Variants in HCRTR2 observed in about 807,000 individuals in gnomAD.
The protein encoded by HCRTR2 is hypocretin receptor 2.
In HCRTR2, 22 loss-of-function variants were observed where a neutral mutation model predicts 49.0. The ratio of observed to expected loss-of-function variants is 0.45; its 90% CI spans 0.32 to 0.64. The LOEUF is 0.64. Among genes scored for constraint, HCRTR2 ranks in the 30% least tolerant of loss-of-function variants. HCRTR2 has a pLI of 0.04. For synonymous variants in HCRTR2, 236 were observed against 205.3 expected, an observed-to-expected ratio of 1.15 and a Z score of -1.28; for missense variants, 491 against 559.4, an observed-to-expected ratio of 0.88 and a Z score of 1.23.
chr6:55,192,254 G>A (rs1044637780), intron 1 of HCRTR2, among the ~76,000 whole-genome samples: 4 of 152,006 alleles, frequency 2.6e-5, no homozygotes, highest in African/African-American at 9.7e-5. Context: ...CTTGGCTTTT[G>A]CTAAGAAAGT....
chr6:55,269,512 G>T (rs1766930977), intron 4 of HCRTR2, among the ~76,000 whole-genome samples: 1 of 152,044 alleles, frequency 6.6e-6, no homozygotes, highest in South Asian at 2.1e-4. Context: ...AGTTCAGCTA[G>T]TTTTCAGGAT....
At position 55,219,480 on chromosome 6, in the gene HCRTR2, G is replaced by A. The variant is rs1765849842; in HGVS notation, c.224-29159G>A. On this transcript the variant is annotated intron_variant, in intron 1 of 6. Transcript: ENST00000370862. The stretch of plus-strand genomic sequence containing the variant: ...AAAGAAGAAATTATAAGGGATATTT[G>A]AAATGTTTCAAGATAAATGAAAATG... 2.6e-5 allele frequency among the ~76,000 whole-genome samples: 4 copies of A among 152,144 alleles called. No individual in the cohort carries two copies. In the South Asian group the frequency reaches 8.3e-4, roughly 32 times the overall value.
At chr6:55,246,965 G>T (rs772712081) in intron 1 of HCRTR2, among the ~76,000 whole-genome samples, 1 of 151,992 alleles carries the variant, frequency 6.6e-6, no homozygotes, top group Non-Finnish European at 1.5e-5. Flanking sequence ...AAAATACAGA[G>T]TTAAAAGATT....
intron 1 of HCRTR2, among the ~76,000 whole-genome samples, chr6:55,205,743 T>C (rs1251882493): frequency 2.0e-5 from 3 of 152,134 alleles, no homozygotes; most frequent in Non-Finnish European, 4.4e-5. Context: ...TTGTTTTTGA[T>C]TGGTTAGTGT....
chr6:55,263,641 C>T (rs745710174), intron 3 of HCRTR2, 66 bp from the exon 4 acceptor site: 139 of 811,136 alleles, frequency 1.7e-4, no homozygotes, highest in Admixed American at 7.2e-4. Context: ...AAAGCATTGA[C>T]ATGTATCTTT....
At chr6:55,203,497 C>A (rs1268003300) in intron 1 of HCRTR2, among the ~76,000 whole-genome samples, 1 of 151,958 alleles carries the variant, frequency 6.6e-6, no homozygotes, top group Admixed American at 6.6e-5. Context: ...GGTTGAGAAA[C>A]AATAAGAACA....
intron 4 of HCRTR2, among the ~76,000 whole-genome samples, chr6:55,270,748 A>G (rs1232447132): frequency 6.6e-6 from 1 of 152,208 alleles, no homozygotes; most frequent in Admixed American, 6.5e-5. Flanking sequence ...CATCTACAAG[A>G]TATCTTTTTA....
chr6:55,216,296 T>A (rs936734059), intron 1 of HCRTR2, among the ~76,000 whole-genome samples: 1 of 152,124 alleles, frequency 6.6e-6, no homozygotes, highest in African/African-American at 2.4e-5. Flanking sequence ...ATAATTTATG[T>A]CCTTATCATA....
chr6:55,179,153 A>C (rs566920482), intron 1 of HCRTR2, among the ~76,000 whole-genome samples: 1 of 152,172 alleles, frequency 6.6e-6, no homozygotes, highest in Admixed American at 6.5e-5. Flanking sequence ...TTGCAAGTTC[A>C]TGTTACTCCT....
chr6:55,251,519 A>C (rs1562022391), intron 2 of HCRTR2, among the ~76,000 whole-genome samples: 1 of 151,862 alleles, frequency 6.6e-6, no homozygotes, highest in East Asian at 1.9e-4. Context: ...TTTCAGAGTG[A>C]TTTTTTTTAA....
rs558860835 is a variant in HCRTR2, at chr6:55,223,239, T to C, written c.224-25400T>C. Among the ~76,000 whole-genome samples, 162 of 152,286 alleles carry C rather than the reference T, an allele frequency of 1.1e-3. 1 individual carries two copies. Among genetic ancestry groups the C allele is most frequent in the African/African-American group, 3.8e-3 (156 of 41,566 alleles). On this transcript the variant is annotated intron_variant, in intron 1 of 6. Transcript: ENST00000370862. ...CTTTTTTATTAGTAACTGGGATCCT[T>C]GCAGCTGTATCTATGTGATGCCAAA... is the stretch of plus-strand genomic sequence containing the variant.
intron 1 of HCRTR2, among the ~76,000 whole-genome samples, chr6:55,199,369 A>T (rs1309580786): frequency 1.3e-5 from 2 of 152,052 alleles, no homozygotes; most frequent in Admixed American, 6.6e-5. Context: ...GGAGGATTGA[A>T]TTATTTTAGG....
intron 1 of HCRTR2, among the ~76,000 whole-genome samples, chr6:55,153,662 T>A (rs9370391): frequency 6.6e-6 from 1 of 151,894 alleles, no homozygotes; most frequent in Admixed American, 6.6e-5. Context: ...TCTCTAGCTG[T>A]GTTCTTATGA....
chr6:55,129,733 A>G (rs897069424), intron 1 of HCRTR2, among the ~76,000 whole-genome samples: 10 of 151,928 alleles, frequency 6.6e-5, no homozygotes, highest in African/African-American at 1.2e-4. Flanking sequence ...GTTTGTTCTT[A>G]AATGCATCCT....
chr6:55,249,475 G>T (rs551542486), intron 2 of HCRTR2, among the ~76,000 whole-genome samples: 4 of 152,196 alleles, frequency 2.6e-5, no homozygotes, highest in South Asian at 2.1e-4. Context: ...TAATTTAAAT[G>T]AGATCTACCT....
At chr6:55,186,355 G>C (rs3884582) in intron 1 of HCRTR2, among the ~76,000 whole-genome samples, 1 of 151,844 alleles carries the variant, frequency 6.6e-6, no homozygotes, top group Non-Finnish European at 1.5e-5. Flanking sequence ...AATTGCTTTT[G>C]TGATTATTTT....
At chr6:55,177,247 A>G (rs1174209684) in intron 1 of HCRTR2, among the ~76,000 whole-genome samples, 3 of 152,166 alleles carry the variant, frequency 2.0e-5, no homozygotes, top group Non-Finnish European at 4.4e-5. Context: ...ACTGACAGCT[A>G]TTTTCCTCAG....
intron 1 of HCRTR2, among the ~76,000 whole-genome samples, chr6:55,226,855 A>T (rs1766017401): frequency 6.6e-6 from 1 of 150,956 alleles, no homozygotes; most frequent in African/African-American, 2.4e-5. Flanking sequence ...AGTAGCTGGG[A>T]CTACAGGTGC....
intron 1 of HCRTR2, among the ~76,000 whole-genome samples, chr6:55,221,324 G>A (rs1765885719): frequency 6.6e-6 from 1 of 152,112 alleles, no homozygotes; most frequent in South Asian, 2.1e-4. Context: ...CTGGCATAAA[G>A]ACAGATATAT....
Sources: allele counts gnomAD v4.1 joint callset (sites outside exome capture counted in the v4.1 genomes callset), GRCh38; gene constraint gnomAD v4.1.1; transcripts MANE v1.5; gene names NCBI Gene and HGNC (gene_info 2026-07-23, HGNC 2026-07-21).